Variants in GRIA1 observed in about 807,000 individuals in gnomAD.
The protein encoded by GRIA1 is glutamate receptor 1.
Under a neutral mutation model 99.2 loss-of-function variants are expected in GRIA1, and 31 were observed. That is an observed-to-expected ratio of 0.31 (90% CI 0.23 to 0.42). GRIA1 has a LOEUF of 0.42. Among genes scored for constraint, GRIA1 ranks in the 10% least tolerant of loss-of-function variants. The pLI, the probability that GRIA1 is intolerant of heterozygous loss-of-function variation, is 1.00. For synonymous variants in GRIA1, 438 were observed against 432.4 expected, an observed-to-expected ratio of 1.01 and a Z score of -0.16; for missense variants, 782 against 1,157.5, an observed-to-expected ratio of 0.68 and a Z score of 4.71.
intron 2 of GRIA1, among the ~76,000 whole-genome samples, chr5:153,548,482 G>A (rs77002777): frequency 0.029 from 4,432 of 152,270 alleles, 95 homozygotes; most frequent in Middle Eastern, 0.048. Flanking sequence ...CAGAGGTACA[G>A]CAGTAGTTAG....
chr5:153,689,173 C>T lies in GRIA1; in HGVS notation c.1134+2844C>T, dbSNP rs548596927. On this transcript the variant is annotated intron_variant, in intron 8 of 15. Coordinates refer to ENST00000285900, the MANE Select transcript of GRIA1 (RefSeq NM_000827.4). ...CCTCCCAAAGTGCTGGGATTACAAGCATGAGCCACTGTCCCCAGCCCCTTT... is the reference window on the plus strand; with the variant it reads ...CCTCCCAAAGTGCTGGGATTACAAGTATGAGCCACTGTCCCCAGCCCCTTT... 3.6e-4 allele frequency among the ~76,000 whole-genome samples: 55 copies of T among 152,182 alleles called. No individual in the cohort carries two copies. The South Asian group carries it at 0.01, about 28-fold the overall frequency.
chr5:153,512,697 G>A (rs1489708202), intron 2 of GRIA1, among the ~76,000 whole-genome samples: 4 of 152,200 alleles, frequency 2.6e-5, no homozygotes, highest in Non-Finnish European at 5.9e-5. Context: ...TGATACCACC[G>A]TTAGAAAGTC....
chr5:153,537,450 C>T (rs1758685527), intron 2 of GRIA1, among the ~76,000 whole-genome samples: 2 of 152,164 alleles, frequency 1.3e-5, no homozygotes, highest in African/African-American at 2.4e-5. Context: ...TCCCCACCTC[C>T]GCAGCCTCCC....
At chr5:153,526,984 T>G (rs1757657556) in intron 2 of GRIA1, among the ~76,000 whole-genome samples, 1 of 152,242 alleles carries the variant, frequency 6.6e-6, no homozygotes, top group Admixed American at 6.5e-5. Flanking sequence ...ATAGAGAGAC[T>G]AGCACTTGGT....
chr5:153,716,408 T>A (rs949517083), intron 11 of GRIA1, among the ~76,000 whole-genome samples: 1 of 152,238 alleles, frequency 6.6e-6, no homozygotes, highest in African/African-American at 2.4e-5. Context: ...TATAATTTTT[T>A]AAAAAGTGGG....
At chr5:153,602,604 C>G (rs1431453414) in intron 2 of GRIA1, among the ~76,000 whole-genome samples, 1 of 152,156 alleles carries the variant, frequency 6.6e-6, no homozygotes, top group Non-Finnish European at 1.5e-5. Flanking sequence ...CAGCAATGTT[C>G]TATTCTAACA....
chr5:153,731,217 T>C (rs954881391), intron 11 of GRIA1, among the ~76,000 whole-genome samples: 1 of 151,764 alleles, frequency 6.6e-6, no homozygotes, highest in African/African-American at 2.4e-5. Context: ...TCTTTCTCTC[T>C]GTCTCTCTTT....
At chr5:153,669,098 C>T (rs1755964130) in intron 5 of GRIA1, among the ~76,000 whole-genome samples, 1 of 152,162 alleles carries the variant, frequency 6.6e-6, no homozygotes, top group African/African-American at 2.4e-5. Context: ...GATACTCACT[C>T]ACTCATTTAT....
chr5:153,549,928 A>G (rs183333481), intron 2 of GRIA1, among the ~76,000 whole-genome samples: 15 of 152,334 alleles, frequency 9.8e-5, no homozygotes, highest in African/African-American at 2.6e-4. Context: ...GAGAGGCGTT[A>G]CAGTACTCAT....
At chr5:153,684,857 G>T (rs187322318) in intron 7 of GRIA1, among the ~76,000 whole-genome samples, 1 of 152,348 alleles carries the variant, frequency 6.6e-6, no homozygotes, top group African/African-American at 2.4e-5. Context: ...TAAAGAGCAT[G>T]TTGTAAAATT....
intron 5 of GRIA1, among the ~76,000 whole-genome samples, chr5:153,668,324 A>G (rs973418454): frequency 1.3e-5 from 2 of 152,222 alleles, no homozygotes; most frequent in African/African-American, 4.8e-5. Flanking sequence ...AAAAGTCAGC[A>G]AACTATGGTC....
chr5:153,758,001 G>A (rs1350999936), intron 11 of GRIA1, among the ~76,000 whole-genome samples: 1 of 152,076 alleles, frequency 6.6e-6, no homozygotes, highest in Non-Finnish European at 1.5e-5. Context: ...ACAATAATAT[G>A]TTAAGAGGTA....
chr5:153,500,398 T>C (rs1340287103), intron 2 of GRIA1, among the ~76,000 whole-genome samples: 2 of 152,186 alleles, frequency 1.3e-5, no homozygotes, highest in Admixed American at 1.3e-4. Flanking sequence ...TCCCACTGAA[T>C]CTACACGTGG....
intron 2 of GRIA1, among the ~76,000 whole-genome samples, chr5:153,591,160 C>T (rs11954655): frequency 0.037 from 5,618 of 152,258 alleles, 358 homozygotes; most frequent in African/African-American, 0.13. Context: ...CCTTGTCTAT[C>T]TATGCAGACT....
intron 2 of GRIA1, among the ~76,000 whole-genome samples, chr5:153,607,571 G>A (rs1423954089): frequency 6.6e-6 from 1 of 151,658 alleles, no homozygotes; most frequent in Non-Finnish European, 1.5e-5. Context: ...TTTTACTCCT[G>A]TATTAATTTG....
chr5:153,679,136 C>T (rs1581455159), intron 7 of GRIA1, among the ~76,000 whole-genome samples: 1 of 152,086 alleles, frequency 6.6e-6, no homozygotes. Flanking sequence ...TGTGCCTGCC[C>T]TTCATCAGCT....
intron 2 of GRIA1, among the ~76,000 whole-genome samples, chr5:153,572,752 G>A (rs1293062680): frequency 4.6e-5 from 7 of 152,210 alleles, no homozygotes; most frequent in Non-Finnish European, 8.8e-5. Context: ...ACTACGCGGT[G>A]AAGGTGAGAG....
intron 11 of GRIA1, among the ~76,000 whole-genome samples, chr5:153,727,978 A>G (rs372907316): frequency 0.12 from 18,357 of 150,898 alleles, 1,085 homozygotes; most frequent in Middle Eastern, 0.24. Flanking sequence ...CCTGACTTCA[A>G]ACTATACTAC....
chr5:153,713,547 AG>A (rs1759472470), intron 11 of GRIA1, among the ~76,000 whole-genome samples: 1 of 152,234 alleles, frequency 6.6e-6, no homozygotes, highest in Non-Finnish European at 1.5e-5. Flanking sequence ...TTTGAGAAGA[AG>A]AGTAGAAGTT....
Sources: gnomAD v4.1 joint callset for allele counts (sites outside exome capture counted in the v4.1 genomes callset) on GRCh38, gnomAD v4.1.1 for gene constraint, MANE v1.5 for transcripts, NCBI Gene and HGNC (gene_info 2026-07-23, HGNC 2026-07-21) for gene names.